RILPL2: variants seen among roughly 807,000 people sequenced by gnomAD.
RILPL2 encodes Rab interacting lysosomal protein like 2, also known as RILP-like protein 2.
A neutral mutation model predicts 22.2 loss-of-function variants in RILPL2; 19 were observed. The ratio of observed to expected loss-of-function variants is 0.86; its 90% CI spans 0.60 to 1.25. The LOEUF (loss-of-function observed/expected upper bound fraction) is 1.25, where lower values mean the gene tolerates loss of function less well. Among genes scored for constraint, RILPL2 ranks in the 50% most tolerant of loss-of-function variants. The pLI, the probability that RILPL2 is intolerant of heterozygous loss-of-function variation, is 0.00. For synonymous variants in RILPL2, 123 were observed against 111.6 expected (o/e 1.10, Z -0.64); for missense variants, 243 against 263.6 (o/e 0.92, Z 0.54).
chr12:123,421,671 CTTTTTTTTTT>C (rs561071129), intron 3 of RILPL2, among the ~76,000 whole-genome samples: 1 of 135,792 alleles, frequency 7.4e-6, no homozygotes, highest in East Asian at 2.1e-4. Flanking sequence ...TGGGTTATTC[CTTTTTTTTTT>C]TTTTTTTTTT....
At chr12:123,416,251 G>A (rs1480221445) in intron 3 of RILPL2, among the ~76,000 whole-genome samples, 1 of 152,136 alleles carries the variant, frequency 6.6e-6, no homozygotes, top group African/African-American at 2.4e-5. Flanking sequence ...TTGAACCCGG[G>A]ACGCAGAGGT....
chr12:123,433,564 C>T (rs1382438196), intron 1 of RILPL2, among the ~76,000 whole-genome samples: 2 of 152,136 alleles, frequency 1.3e-5, no homozygotes, highest in Non-Finnish European at 2.9e-5. Flanking sequence ...AAGCGTGTGC[C>T]AGCAGGTCCA....
intron 2 of RILPL2, among the ~76,000 whole-genome samples, chr12:123,428,476 C>G (rs1046583788): frequency 6.6e-6 from 1 of 152,186 alleles, no homozygotes; most frequent in African/African-American, 2.4e-5. Context: ...TTTCCATGAA[C>G]ACGGTTCCAA....
chr12:123,434,184 T>A (rs1879724130), intron 1 of RILPL2, among the ~76,000 whole-genome samples: 1 of 151,992 alleles, frequency 6.6e-6, no homozygotes, highest in Non-Finnish European at 1.5e-5. Context: ...TTTGGGAGGC[T>A]GAGGTGGGCG....
chr12:123,420,230 T>C (rs1166731372), intron 3 of RILPL2, among the ~76,000 whole-genome samples: 3 of 151,734 alleles, frequency 2.0e-5, no homozygotes, highest in South Asian at 2.1e-4. Flanking sequence ...TTTCACCATG[T>C]TAGCCAGGAT....
In RILPL2 at chr12:123,422,005, C is replaced by CTT. The variant is rs35786523; in HGVS notation, c.605+1037_605+1038dup. Among the ~76,000 whole-genome samples, 33 of 132,350 alleles carry CTT rather than the reference C, an allele frequency of 2.5e-4. 4 individuals carry two copies. Among genetic ancestry groups the CTT allele is most frequent in the East Asian group, 6.9e-4 (3 of 4,346 alleles). 86.8% of individuals were successfully genotyped at this position (132,350 alleles called of 152,430 possible). ...ATTTTTGTTTTCTTTCTTTCTCTCT[C>CTT]TTTTTTTTTTTTTTTGAGATAGGGT... On this transcript the variant is annotated intron_variant, in intron 3 of 3. Transcript: ENST00000280571.
the RILPL2 span, among the ~76,000 whole-genome samples, chr12:123,409,890 A>AT: frequency 1.3e-5 from 2 of 151,788 alleles, no homozygotes; most frequent in Non-Finnish European, 2.9e-5. Context: ...CACCCAGCTA[A>AT]TTTTTTTGTA....
intron 1 of RILPL2, among the ~76,000 whole-genome samples, chr12:123,434,614 G>A (rs1879739321): frequency 6.6e-6 from 1 of 151,864 alleles, no homozygotes; most frequent in East Asian, 2.0e-4. Flanking sequence ...TTTTAGTAGA[G>A]ATAGAGTTTC....
intron 2 of RILPL2, among the ~76,000 whole-genome samples, chr12:123,430,206 G>A (rs527450174): frequency 1.2e-4 from 18 of 148,212 alleles, no homozygotes; most frequent in Admixed American, 2.7e-4. Context: ...TCAGGAGATC[G>A]AGACCATTCT....
At chr12:123,434,798 T>C (rs1208264581) in intron 1 of RILPL2, among the ~76,000 whole-genome samples, 4 of 152,060 alleles carry the variant, frequency 2.6e-5, no homozygotes, top group Non-Finnish European at 5.9e-5. Context: ...TCTAGCTCTC[T>C]ATCAATTTCC....
At chr12:123,417,654 G>A (rs77258915) in intron 3 of RILPL2, among the ~76,000 whole-genome samples, 6,610 of 152,094 alleles carry the variant, frequency 0.043, 306 homozygotes, top group East Asian at 0.24. Flanking sequence ...GCACGATCTC[G>A]GCTCACGGCA....
Position 123,436,158 on chromosome 12 carries a change from T to A in RILPL2, c.263A>T (p.Glu88Val), listed in dbSNP as rs1593497840. The A allele has an allele frequency of 1.9e-6, 3 of 1,607,004 alleles. No individual in the cohort carries two copies. The highest frequency in any genetic ancestry group is 1.1e-5 in the South Asian group (1 of 89,756). The change falls in exon 1 of 4, where the codon GAG becomes GTG. Residue 88 changes from glutamate to valine, a missense_variant. Physicochemically the swap from Glu to Val is moderately radical, Grantham distance 121. Transcript: ENST00000280571. The surrounding 1 kb of genome is among the most constrained non-coding windows in gnomAD (Gnocchi z 6.7). The stretch of plus-strand genomic sequence containing the variant: ...GAGGTGGTCCCTCTCCATCTTCAGC[T>A]CCTCCAGCGCCAGGCTGCCCTCATT... ...LVNEGSLALE[E>V]LKMERDHLRK...
intron 2 of RILPL2, among the ~76,000 whole-genome samples, chr12:123,426,647 C>T (rs1469063517): frequency 6.6e-6 from 1 of 152,124 alleles, no homozygotes; most frequent in East Asian, 1.9e-4. Context: ...GTCGCCCAGG[C>T]TGGAGTGCAG....
intron 3 of RILPL2, among the ~76,000 whole-genome samples, chr12:123,416,795 C>T (rs977724679): frequency 6.6e-6 from 1 of 152,228 alleles, no homozygotes; most frequent in Non-Finnish European, 1.5e-5. Flanking sequence ...ACACACATTT[C>T]ACTTTTGCTC....
rs563055524 is a variant in RILPL2 at position 123,428,925 on chromosome 12, A to G, written c.491+1583T>C. On this transcript the variant is annotated intron_variant, in intron 2 of 3. Transcript: ENST00000280571. ...GCCCTGGTTTTTCCTTCCTCTACCT[A>G]TAAGAAAACATGCTTCGTTTAACTC... Among the ~76,000 whole-genome samples the G allele has an allele frequency of 4.6e-5, 7 of 152,300 alleles. No homozygotes were observed. The East Asian group carries it at 1.3e-3, about 29-fold the overall frequency.
intron 3 of RILPL2, among the ~76,000 whole-genome samples, chr12:123,420,330 G>A (rs534270207): frequency 4.6e-5 from 7 of 151,004 alleles, no homozygotes; most frequent in South Asian, 2.1e-4. Flanking sequence ...TGGCAGAGAC[G>A]GGGTTTCACC....
intron 3 of RILPL2, among the ~76,000 whole-genome samples, chr12:123,416,936 C>A (rs1269245098): frequency 6.6e-6 from 1 of 152,176 alleles, no homozygotes; most frequent in Non-Finnish European, 1.5e-5. Context: ...TGAACACCTT[C>A]ACTTCGGACA....
At chr12:123,435,945 C>T in intron 1 of RILPL2, 137 bp downstream of exon 1, 14 of 1,285,234 alleles carry the variant, frequency 1.1e-5, no homozygotes, top group Non-Finnish European at 1.4e-5. Context: ...CTGGGCAACA[C>T]AGCGAGATCC....
At chr12:123,434,861 C>T (rs921044390) in intron 1 of RILPL2, among the ~76,000 whole-genome samples, 8 of 151,610 alleles carry the variant, frequency 5.3e-5, no homozygotes, top group Non-Finnish European at 4.4e-5. Context: ...ATTATTTTGC[C>T]TGTTCATGAA....
Sources: gnomAD v4.1 joint callset for allele counts (sites outside exome capture counted in the v4.1 genomes callset) on GRCh38, gnomAD v4.1.1 for gene constraint, Gnocchi (gnomAD v3.1) non-coding constraint, MANE v1.5 for transcripts, NCBI Gene and HGNC (gene_info 2026-07-23, HGNC 2026-07-21) for gene names.